The following DMD variants were observed in gnomAD, a reference collection of about 807,000 sequenced individuals.
DMD encodes mutant dystrophin.
A neutral mutation model predicts 330.1 loss-of-function variants in DMD; 63 were observed. The ratio of observed to expected loss-of-function variants is 0.19; its 90% CI spans 0.16 to 0.24. The LOEUF (loss-of-function observed/expected upper bound fraction) is 0.24, where lower values mean the gene tolerates loss of function less well. DMD is among the 10% of genes least tolerant of loss of function. The probability of loss-of-function intolerance (pLI) is 1.00; values close to 1 mark genes in which losing one functional copy is unlikely to be tolerated. For missense variants in DMD, 3,344 were observed against 2,684.1 expected, an observed-to-expected ratio of 1.25 and a Z score of -5.43; for synonymous variants, 1,223 against 959.8, an observed-to-expected ratio of 1.27 and a Z score of -5.07.
rs547825955 is a variant in DMD at position 32,507,707 on chromosome X, T to A, written c.2293-5865A>T. Among the ~76,000 whole-genome samples, 21 of 111,606 alleles carry A rather than the reference T, an allele frequency of 1.9e-4. No individual in the cohort carries two copies. In the South Asian group the frequency reaches 7.5e-3, roughly 40 times the overall value. On this transcript the variant is annotated intron_variant, in intron 18 of 78. Transcript: ENST00000357033. Reference sequence around the variant, plus strand: ...TGTGAAAATTTTGAAAACAATGCAATAGCCACATTGAAAATAAGATTCCTT... The same window carrying A: ...TGTGAAAATTTTGAAAACAATGCAAAAGCCACATTGAAAATAAGATTCCTT...
intron 1 of DMD, among the ~76,000 whole-genome samples, chrX:33,305,429 AG>A (rs1177617159): frequency 7.0e-5 from 3 of 43,043 alleles, no homozygotes; most frequent in African/African-American, 2.6e-4. Flanking sequence ...GGGTGGGGGG[AG>A]GGGGGAGGGA....
At chrX:31,719,826 C>T (rs903494028) in intron 52 of DMD, among the ~76,000 whole-genome samples, 1 of 111,335 alleles carries the variant, frequency 9.0e-6, no homozygotes, top group South Asian at 3.8e-4. Context: ...TAGAGGGAAA[C>T]CAACTAGACA....
chrX:32,390,219 C>A (rs757615291), intron 30 of DMD, 38 bp from the exon 31 acceptor site: 1 of 995,721 alleles, frequency 1.0e-6, no homozygotes, highest in South Asian at 1.9e-5. Context: ...GCATGCTCTA[C>A]AAAGAACAAC....
At chrX:32,033,631 A>G (rs1460903265) in intron 44 of DMD, among the ~76,000 whole-genome samples, 2 of 63,433 alleles carry the variant, frequency 3.2e-5, no homozygotes, top group Non-Finnish European at 5.5e-5. Flanking sequence ...GAAAGAAAGA[A>G]AGAAAGAAAG....
intron 62 of DMD, among the ~76,000 whole-genome samples, chrX:31,273,762 T>C (rs2051860725): frequency 8.9e-6 from 1 of 111,942 alleles, no homozygotes; most frequent in South Asian, 3.8e-4. Flanking sequence ...AGCTGTGTAT[T>C]ATAGCAAAGG....
At chrX:32,695,962 G>A (rs769877652) in intron 9 of DMD, among the ~76,000 whole-genome samples, 2 of 111,770 alleles carry the variant, frequency 1.8e-5, no homozygotes, top group Admixed American at 9.5e-5. Context: ...TAGGAGAGCT[G>A]AATAAAAGCC....
chrX:32,709,522 C>A (rs747205971), intron 7 of DMD, among the ~76,000 whole-genome samples: 1 of 111,899 alleles, frequency 8.9e-6, no homozygotes, highest in African/African-American at 3.2e-5. Flanking sequence ...ATCCTTCACA[C>A]TTAGCTAAAA....
At chrX:32,407,062 C>T (rs149976886) in intron 30 of DMD, among the ~76,000 whole-genome samples, 16,857 of 110,491 alleles carry the variant, frequency 0.15, 1,150 homozygotes, top group African/African-American at 0.25. Context: ...GACATAGGCA[C>T]GGGCAAGGAC....
intron 44 of DMD, among the ~76,000 whole-genome samples, chrX:32,027,097 C>G (rs1182251890): frequency 1.8e-5 from 2 of 108,326 alleles, no homozygotes; most frequent in African/African-American, 6.8e-5. Context: ...GTACACTTGT[C>G]TCTGCCACAA....
chrX:32,431,521 C>A (rs2098238222), intron 29 of DMD, among the ~76,000 whole-genome samples: 1 of 110,925 alleles, frequency 9.0e-6, no homozygotes, highest in Non-Finnish European at 1.9e-5. Flanking sequence ...ACTCCCCACC[C>A]CTGTATCTAT....
chrX:31,680,232 C>T (rs1160897469), intron 52 of DMD, among the ~76,000 whole-genome samples: 1 of 111,819 alleles, frequency 8.9e-6, no homozygotes, highest in Non-Finnish European at 1.9e-5. Context: ...TTACTGGCTG[C>T]CTTGCCTCAC....
At chrX:31,914,188 G>A (rs930954428) in intron 47 of DMD, among the ~76,000 whole-genome samples, 10 of 111,833 alleles carry the variant, frequency 8.9e-5, no homozygotes, top group African/African-American at 3.3e-4. Flanking sequence ...TTATAGTCTA[G>A]GTCTTGCATA....
chrX:32,595,470 A>T (rs2055414079), intron 13 of DMD, among the ~76,000 whole-genome samples: 1 of 111,571 alleles, frequency 9.0e-6, no homozygotes, highest in South Asian at 3.7e-4. Flanking sequence ...AATTTTTTTT[A>T]ACCAGTAACC....
At chrX:32,618,840 A>G (rs776380536) in intron 11 of DMD, among the ~76,000 whole-genome samples, 3 of 111,505 alleles carry the variant, frequency 2.7e-5, no homozygotes, top group Non-Finnish European at 5.7e-5. Flanking sequence ...TAAAAAAAAG[A>G]AAACCTTTAC....
chrX:32,555,940 C>A (rs1332755201), intron 16 of DMD, among the ~76,000 whole-genome samples: 1 of 111,561 alleles, frequency 9.0e-6, no homozygotes, highest in Non-Finnish European at 1.9e-5. Context: ...ATGGCAAAAG[C>A]AACTGCAACA....
chrX:32,068,374 A>ATTTTTTTTTTTTTTT (rs749610367), intron 44 of DMD, among the ~76,000 whole-genome samples: 7 of 64,318 alleles, frequency 1.1e-4, no homozygotes, highest in East Asian at 5.3e-4. Context: ...CTTGCTTGTC[A>ATTTTTTTTTTTTTTT]TTTTTTTTTT....
chrX:32,467,647 T>TAC (rs1491017698), intron 23 of DMD, among the ~76,000 whole-genome samples: 1 of 106,166 alleles, frequency 9.4e-6, no homozygotes, highest in Non-Finnish European at 1.9e-5. Context: ...TATATATATA[T>TAC]ATACACACAT....
At chrX:32,887,760 A>AC (rs1355541998) in intron 2 of DMD, among the ~76,000 whole-genome samples, 1 of 100,694 alleles carries the variant, frequency 9.9e-6, no homozygotes, top group Non-Finnish European at 2.0e-5. Flanking sequence ...AAAAAAAAAA[A>AC]AAAAAAAAAA....
rs1366436379 is a variant in DMD, at chrX:31,147,485, C to G, written c.10587G>C (p.Gln3529His). 1 of 1,202,580 alleles carries G rather than the reference C, an allele frequency of 8.3e-7. No homozygotes were observed. The highest frequency in any genetic ancestry group is 1.8e-5 in the African/African-American group (1 of 56,776). ...NLQAEYDRLKQQHEHKGLSPL... is the reference protein window; with the variant it reads ...NLQAEYDRLKHQHEHKGLSPL... ...GGGACAGGCCTTTATGTTCGTGCTG[C>G]TGCTTTAGACGGTCATATTCTGCTT... is the stretch of plus-strand genomic sequence containing the variant. Residue 3529 changes from glutamine to histidine, a missense_variant, in exon 75 of 79, where the codon CAG becomes CAC. Physicochemically the swap from Gln to His is conservative, Grantham distance 24. Transcript: ENST00000357033.
Sources: gnomAD v4.1 joint callset for allele counts (sites outside exome capture counted in the v4.1 genomes callset) on GRCh38, gnomAD v4.1.1 for gene constraint, MANE v1.5 for transcripts, NCBI Gene and HGNC (gene_info 2026-07-23, HGNC 2026-07-21) for gene names.